The following KAT7 variants were observed in gnomAD, a reference collection of about 807,000 sequenced individuals.
KAT7 encodes the protein histone acetyltransferase KAT7.
Under a neutral mutation model 82.1 loss-of-function variants are expected in KAT7, and 10 were observed. That is an observed-to-expected ratio of 0.12 (90% CI 0.08 to 0.21). KAT7 has a LOEUF of 0.21. Ranked by LOEUF, KAT7 falls within the 10% of genes least tolerant of loss-of-function variation. The probability of loss-of-function intolerance (pLI) is 1.00; values close to 1 mark genes in which losing one functional copy is unlikely to be tolerated. For synonymous variants in KAT7, 250 were observed against 262.5 expected, an observed-to-expected ratio of 0.95 and a Z score of 0.46; for missense variants, 378 against 760.9, an observed-to-expected ratio of 0.50 and a Z score of 5.92.
chr17:49,814,957 C>T (rs1281669528), intron 7 of KAT7: 2 of 152,176 alleles, frequency 1.3e-5, no homozygotes, highest in Non-Finnish European at 2.9e-5. Flanking sequence ...ATCTCCTATT[C>T]TCTGGATGGG....
In KAT7 at chr17:49,810,525, G is replaced by A. The variant is rs145556942; in HGVS notation, c.754-951G>A. Among the ~76,000 whole-genome samples, 20 of 152,248 alleles carry A rather than the reference G, an allele frequency of 1.3e-4. No individual in the cohort carries two copies. In the East Asian group the frequency reaches 3.9e-3, roughly 29 times the overall value. On this transcript the variant is annotated intron_variant, in intron 6 of 14. Coordinates refer to ENST00000259021, the MANE Select transcript of KAT7 (RefSeq NM_007067.5). ...ACCTGCCTTGGCCTCCCAAAGTGCT[G>A]GGATTATAAGCATGAGCCACGGTGC...
chr17:49,809,267 C>G (rs910321522), intron 6 of KAT7, 59 bp downstream of exon 6: 1 of 1,247,910 alleles, frequency 8.0e-7, no homozygotes, highest in Non-Finnish European at 1.2e-6. Flanking sequence ...CTTGGATCTC[C>G]TCTATAATTG....
intron 2 of KAT7, among the ~76,000 whole-genome samples, chr17:49,792,373 T>C (rs1369873414): frequency 1.3e-5 from 2 of 152,234 alleles, no homozygotes; most frequent in Non-Finnish European, 2.9e-5. Flanking sequence ...ACTTTCTGTT[T>C]GAATGTTTGA....
chr17:49,816,760 A>G (rs1453969248), intron 8 of KAT7, among the ~76,000 whole-genome samples: 3 of 152,166 alleles, frequency 2.0e-5, no homozygotes, highest in African/African-American at 7.2e-5. Context: ...GGTTATGCTT[A>G]CAAATTATAC....
At chr17:49,801,932 TTC>T (rs1208678360) in intron 4 of KAT7, among the ~76,000 whole-genome samples, 1 of 152,208 alleles carries the variant, frequency 6.6e-6, no homozygotes, top group Non-Finnish European at 1.5e-5. Context: ...GATACAAAAC[TTC>T]TGTTTGCAGT....
At chr17:49,794,324 C>T (rs773896433) in intron 2 of KAT7, among the ~76,000 whole-genome samples, 6 of 152,076 alleles carry the variant, frequency 3.9e-5, no homozygotes, top group Non-Finnish European at 7.4e-5. Context: ...CTCGCTCTGT[C>T]GCCCAGGCTG....
intron 1 of KAT7, chr17:49,789,191 C>G (rs973181423): frequency 4.6e-6 from 1 of 219,544 alleles, no homozygotes; most frequent in Non-Finnish European, 9.0e-6. Context: ...GGCCCCGGCC[C>G]CAGCGCTCTC....
intron 14 of KAT7, 163 bp downstream of exon 14, chr17:49,826,962 C>T (rs2074375917): frequency 5.5e-6 from 3 of 541,036 alleles, no homozygotes; most frequent in Non-Finnish European, 1.0e-5. Flanking sequence ...CCTGTGTTGC[C>T]TTATCCTTAT....
At chr17:49,817,268 G>T (rs1334773768) in intron 8 of KAT7, among the ~76,000 whole-genome samples, 1 of 152,106 alleles carries the variant, frequency 6.6e-6, no homozygotes, top group African/African-American at 2.4e-5. Context: ...TATCATTCTG[G>T]TGAGGCCCAG....
intron 5 of KAT7, among the ~76,000 whole-genome samples, chr17:49,808,699 GC>G (rs2074124118): frequency 6.6e-6 from 1 of 151,816 alleles, no homozygotes; most frequent in Non-Finnish European, 1.5e-5. Flanking sequence ...TAATCTGCCC[GC>G]CTCAGCCTCC....
intron 6 of KAT7, among the ~76,000 whole-genome samples, chr17:49,809,883 T>A (rs1598070989): frequency 6.6e-6 from 1 of 152,254 alleles, no homozygotes; most frequent in Non-Finnish European, 1.5e-5. Context: ...TTCTTCCTTA[T>A]GTATTCCCAT....
intron 12 of KAT7, 194 bp downstream of exon 12, chr17:49,823,489 A>G (rs2074330877): frequency 1.9e-6 from 1 of 530,186 alleles, no homozygotes; most frequent in Non-Finnish European, 3.4e-6. Flanking sequence ...GAAGGAGTAC[A>G]GGACTCCTCC....
intron 2 of KAT7, among the ~76,000 whole-genome samples, 161 bp from the exon 3 acceptor site, chr17:49,796,589 C>T (rs994483474): frequency 5.3e-5 from 8 of 151,996 alleles, no homozygotes; most frequent in South Asian, 2.1e-4. Flanking sequence ...GAGCTAGGCT[C>T]TTTTGCTTAT....
At chr17:49,820,293 CTT>C (rs1287781132) in intron 9 of KAT7, among the ~76,000 whole-genome samples, 1 of 144,518 alleles carries the variant, frequency 6.9e-6, no homozygotes, top group African/African-American at 2.5e-5. Context: ...ACACTTTTTT[CTT>C]TTTTTTTTTT....
chr17:49,794,532 C>T (rs558192768), intron 2 of KAT7, among the ~76,000 whole-genome samples: 6 of 152,202 alleles, frequency 3.9e-5, no homozygotes, highest in South Asian at 2.1e-4. Context: ...GTGATCTGCC[C>T]GCCTCGGCCT....
chr17:49,800,616 A>G (rs2074012764), intron 4 of KAT7, among the ~76,000 whole-genome samples: 1 of 152,092 alleles, frequency 6.6e-6, no homozygotes, highest in Non-Finnish European at 1.5e-5. Context: ...TATGTACTAT[A>G]TTTGGTCATT....
At chr17:49,809,238 C>T (rs112316627) in intron 6 of KAT7, 30 bp downstream of exon 6, 17,787 of 1,564,088 alleles carry the variant, frequency 0.011, 134 homozygotes, top group Non-Finnish European at 0.014. Flanking sequence ...ACTGGCCATT[C>T]ATAGTTTGAG....
At position 49,817,992 on chromosome 17, in the gene KAT7, C is replaced by T. The variant is rs201234791; in HGVS notation, c.1136C>T (p.Thr379Met). ...EFCLKYMKSQ[T>M]ILRRHMAKCV... ...TGTTTAAAATATATGAAGAGCCAAA[C>T]GATACTCCGCCGGCACATGGTGAGT... The change falls in exon 9 of 15, where the codon ACG becomes ATG. Residue 379 changes from threonine (T) to methionine (M), a missense_variant. By Grantham distance (81) the Thr-to-Met change is moderately conservative. Coordinates refer to ENST00000259021, the MANE Select transcript of KAT7 (RefSeq NM_007067.5). 8.2e-5 allele frequency: 132 copies of T among 1,613,566 alleles called. 1 individual carries two copies. Among genetic ancestry groups the T allele is most frequent in the Non-Finnish European group, 2.5e-5 (30 of 1,179,654 alleles).
At chr17:49,822,559 A>G (rs1353842370) in intron 11 of KAT7, among the ~76,000 whole-genome samples, 2 of 152,178 alleles carry the variant, frequency 1.3e-5, no homozygotes, top group African/African-American at 4.8e-5. Flanking sequence ...GACTTTTAGT[A>G]TAACAACTTT....
Sources: allele counts gnomAD v4.1 joint callset (sites outside exome capture counted in the v4.1 genomes callset), GRCh38; gene constraint gnomAD v4.1.1; transcripts MANE v1.5; gene names NCBI Gene and HGNC (gene_info 2026-07-23, HGNC 2026-07-21).